DNAH14: variants seen among roughly 807,000 people sequenced by gnomAD.
The protein encoded by DNAH14 is dynein axonemal heavy chain 14, also known as axonemal beta dynein heavy chain 14.
Under a neutral mutation model 520.9 loss-of-function variants are expected in DNAH14, and 478 were observed. The ratio of observed to expected loss-of-function variants is 0.92; its 90% CI spans 0.85 to 0.99. The LOEUF is 0.99. Ranked by LOEUF, DNAH14 falls within the 50% of genes least tolerant of loss-of-function variation. DNAH14 has a pLI of 0.00. For synonymous variants in DNAH14, 1,581 were observed against 1,757.2 expected, an observed-to-expected ratio of 0.90 and a Z score of 2.51; for missense variants, 4,831 against 5,234.5, an observed-to-expected ratio of 0.92 and a Z score of 2.38.
At chr1:225,188,751 G>T (rs542037092) in intron 37 of DNAH14, among the ~76,000 whole-genome samples, 14 of 151,934 alleles carry the variant, frequency 9.2e-5, no homozygotes, top group Non-Finnish European at 2.1e-4. Context: ...GATAGGAATT[G>T]CGTTGATCCT....
chr1:225,337,834 A>G (rs1158294413), intron 67 of DNAH14, among the ~76,000 whole-genome samples: 1 of 152,214 alleles, frequency 6.6e-6, no homozygotes, highest in African/African-American at 2.4e-5. Flanking sequence ...TGGGGTATCC[A>G]TCCCCTCGAG....
chr1:225,204,151 A>G (rs1206115011), intron 38 of DNAH14, 32 bp from the exon 39 acceptor site: 1 of 1,180,382 alleles, frequency 8.5e-7, no homozygotes, highest in Non-Finnish European at 1.2e-6. Context: ...TTATTAAATA[A>G]AAATTTAAAC....
chr1:225,172,009 C>A (rs991956288), intron 36 of DNAH14, among the ~76,000 whole-genome samples: 1 of 152,188 alleles, frequency 6.6e-6, no homozygotes, highest in Non-Finnish European at 1.5e-5. Context: ...GAACCAACGA[C>A]AAAAACCACA....
chr1:225,106,685 T>C (rs1194458747), intron 23 of DNAH14, among the ~76,000 whole-genome samples: 2 of 152,240 alleles, frequency 1.3e-5, no homozygotes, highest in East Asian at 3.8e-4. Flanking sequence ...CTACTGAGGC[T>C]TGTGCATTCG....
At position 224,968,769 on chromosome 1, in the gene DNAH14, T is replaced by C. The variant is rs1298376286; in HGVS notation, c.662T>C (p.Ile221Thr). The change falls in exon 7 of 86, where the codon ATA (isoleucine) becomes ACA (threonine). Residue 221 changes from isoleucine (I) to threonine (T), a missense_variant. By Grantham distance (89) the Ile-to-Thr change is moderately conservative. Transcript: ENST00000682510. ...TGCTTTATTTTGTAGGTTATTAATA[T>C]AGTTGGTAGTGTAAAGGAAGTAGAA... Reference protein sequence around the residue: ...TASFISKVINIVGSVKEVELI... With the variant: ...TASFISKVINTVGSVKEVELI... 1 of 1,478,832 alleles carries C rather than the reference T, an allele frequency of 6.8e-7. No homozygotes were observed. The allele number at this position is 1,478,832 out of a possible 1,614,324, so 91.6% of individuals were successfully genotyped here.
At chr1:225,301,488 G>A (rs944959932) in intron 56 of DNAH14, among the ~76,000 whole-genome samples, 10 of 152,128 alleles carry the variant, frequency 6.6e-5, no homozygotes, top group Non-Finnish European at 1.2e-4. Flanking sequence ...TGGATAGAGC[G>A]GGTGCTATTC....
chr1:225,011,758 C>CTTT, intron 10 of DNAH14, among the ~76,000 whole-genome samples: 1 of 82,136 alleles, frequency 1.2e-5, no homozygotes, highest in African/African-American at 6.0e-5. Context: ...GCAACCTCTG[C>CTTT]TTTTTTTTTT....
chr1:225,177,449 T>C (rs1573754204), intron 36 of DNAH14, among the ~76,000 whole-genome samples: 1 of 152,054 alleles, frequency 6.6e-6, no homozygotes, highest in African/African-American at 2.4e-5. Flanking sequence ...GTAATGAGGA[T>C]CCAAATGTTA....
chr1:225,315,775 AGC>A (rs2094455455), intron 60 of DNAH14, among the ~76,000 whole-genome samples: 1 of 152,246 alleles, frequency 6.6e-6, no homozygotes, highest in Non-Finnish European at 1.5e-5. Context: ...GCTGCAGAAC[AGC>A]AAAGATTGCT....
chr1:225,044,389 GA>G (rs1376680655), intron 15 of DNAH14, among the ~76,000 whole-genome samples: 1 of 152,110 alleles, frequency 6.6e-6, no homozygotes, highest in Non-Finnish European at 1.5e-5. Flanking sequence ...CCTGACCAAA[GA>G]ATTTATTCTT....
At chr1:225,220,378 G>A (rs1050113092) in intron 41 of DNAH14, among the ~76,000 whole-genome samples, 8 of 152,244 alleles carry the variant, frequency 5.3e-5, no homozygotes, top group East Asian at 3.9e-4. Flanking sequence ...GCCTCTGTTC[G>A]CAAATGACAT....
intron 36 of DNAH14, among the ~76,000 whole-genome samples, chr1:225,179,920 C>G (rs1287197499): frequency 1.3e-5 from 2 of 151,764 alleles, no homozygotes; most frequent in African/African-American, 4.8e-5. Context: ...TCTGTCAGGA[C>G]TTCAAATATA....
At chr1:224,934,809 C>G (rs755979427) in intron 1 of DNAH14, among the ~76,000 whole-genome samples, 3 of 151,596 alleles carry the variant, frequency 2.0e-5, no homozygotes, top group Non-Finnish European at 4.4e-5. Flanking sequence ...AAAGGAAACC[C>G]CATTAGACTA....
rs372216418 is a variant in DNAH14, at chr1:225,375,664, T to C, written c.12516+779T>C. On this transcript the variant is annotated intron_variant, in intron 78 of 85. Coordinates refer to ENST00000682510, the MANE Select transcript of DNAH14 (RefSeq NM_001367479.1). ...GCATCTATAGAATGGATAGCAATGG[T>C]CTATGTTGATGACCCTGAGTCAATA... is the stretch of plus-strand genomic sequence containing the variant. Among the ~76,000 whole-genome samples the C allele has an allele frequency of 2.8e-4, 42 of 152,228 alleles. 1 individual carries two copies. The South Asian group carries it at 8.5e-3, about 31-fold the overall frequency.
At chr1:225,184,342 G>T (rs554809071) in intron 36 of DNAH14, among the ~76,000 whole-genome samples, 38 of 152,202 alleles carry the variant, frequency 2.5e-4, no homozygotes, top group African/African-American at 8.9e-4. Context: ...ATGATTGGCT[G>T]GGCACAGTGG....
intron 60 of DNAH14, among the ~76,000 whole-genome samples, chr1:225,316,763 C>T (rs1016171343): frequency 1.3e-5 from 2 of 152,184 alleles, no homozygotes; most frequent in African/African-American, 2.4e-5. Context: ...GCGTTGATCT[C>T]GCTGGGAGCT....
intron 55 of DNAH14, among the ~76,000 whole-genome samples, chr1:225,290,647 G>GTATATA (rs56045354): frequency 1.7e-3 from 100 of 57,506 alleles, no homozygotes; most frequent in Non-Finnish European, 2.5e-3. Context: ...GTGTGTGTGT[G>GTATATA]TATATATATA....
chr1:225,122,606 A>G (rs1016512769), intron 26 of DNAH14, among the ~76,000 whole-genome samples: 2 of 152,224 alleles, frequency 1.3e-5, no homozygotes, highest in African/African-American at 4.8e-5. Flanking sequence ...AATAAAAGTC[A>G]TAAGGACTTT....
chr1:225,374,172 T>TATATATATATATATATA, intron 77 of DNAH14, among the ~76,000 whole-genome samples: 1 of 88,906 alleles, frequency 1.1e-5, no homozygotes, highest in Non-Finnish European at 2.4e-5. Flanking sequence ...TATATATATA[T>TATATATATATATATATA]ATATATATAT....
Sources: allele counts gnomAD v4.1 joint callset (sites outside exome capture counted in the v4.1 genomes callset), GRCh38; gene constraint gnomAD v4.1.1; transcripts MANE v1.5; gene names NCBI Gene and HGNC (gene_info 2026-07-23, HGNC 2026-07-21).